TIAM1: variants seen among roughly 807,000 people sequenced by gnomAD.
TIAM1 encodes the protein TIAM Rac1 associated GEF 1, also known as rho guanine nucleotide exchange factor TIAM1.
Under a neutral mutation model 163.5 loss-of-function variants are expected in TIAM1, and 65 were observed. The observed-to-expected ratio is 0.40, with a 90% CI of 0.33 to 0.49. The LOEUF (loss-of-function observed/expected upper bound fraction) is 0.49. TIAM1 is among the 20% of genes least tolerant of loss of function. TIAM1 has a pLI of 0.77. For missense variants in TIAM1, 1,789 were observed against 2,044.7 expected, an observed-to-expected ratio of 0.87 and a Z score of 2.41; for synonymous variants, 833 against 810.1, an observed-to-expected ratio of 1.03 and a Z score of -0.48.
intron 9 of TIAM1, among the ~76,000 whole-genome samples, chr21:31,215,330 C>A (rs902134875): frequency 6.6e-6 from 1 of 152,008 alleles, no homozygotes; most frequent in African/African-American, 2.4e-5. Flanking sequence ...GTGGCTCATG[C>A]CTATAATCCC....
At chr21:31,382,668 A>G (rs2076797885) in intron 2 of TIAM1, among the ~76,000 whole-genome samples, 1 of 152,210 alleles carries the variant, frequency 6.6e-6, no homozygotes, top group African/African-American at 2.4e-5. Flanking sequence ...TTGACAGTTT[A>G]TAAAACAGAT....
At position 31,459,214 on chromosome 21, in the gene TIAM1, C is replaced by T. The variant is rs548989272; in HGVS notation, c.-369+4769G>A. Among the ~76,000 whole-genome samples the T allele has an allele frequency of 1.2e-3, 181 of 152,288 alleles. 2 individuals are homozygous for T. Among genetic ancestry groups the T allele is most frequent in the Admixed American group, 1.6e-3 (25 of 15,280 alleles). ...GTGGCCTCAACCTCCCAGGCTCACA[C>T]GATCCTCCCACCTCAGCCTCCTGAG... On this transcript the variant is annotated intron_variant, in intron 2 of 28. Coordinates refer to the TIAM1 transcript ENST00000286827.
Position 31,251,998 on chromosome 21 carries a change from C to G in TIAM1, c.1155G>C (p.Glu385Asp), listed in dbSNP as rs561107271. ...TGDAARQGVY[E>D]NFRRELEMST... is the part of the protein sequence containing the mutation. ...TCATCTCCAGCTCCCGCCGGAAGTT[C>G]TCGTACACCCCCTGACGAGCCGCAT... is the stretch of plus-strand genomic sequence containing the variant. Residue 385 changes from glutamate (E) to aspartate (D), a missense_variant, in exon 5 of 28, where the codon GAG becomes GAC. Coordinates refer to ENST00000541036, the MANE Select transcript of TIAM1 (RefSeq NM_001353694.2). 1.3e-5 allele frequency: 21 copies of G among 1,613,882 alleles called. No individual in the cohort carries two copies. The highest frequency in any genetic ancestry group is 1.7e-5 in the Non-Finnish European group (20 of 1,179,938).
At chr21:31,473,240 T>C (rs911891759) in intron 1 of TIAM1, among the ~76,000 whole-genome samples, 24 of 152,062 alleles carry the variant, frequency 1.6e-4, no homozygotes, top group African/African-American at 5.8e-4. Context: ...CCATCCTGGC[T>C]AACACGGTGA....
At chr21:31,130,784 G>T in intron 24 of TIAM1, 106 bp downstream of exon 24, 1 of 1,055,154 alleles carries the variant, frequency 9.5e-7, no homozygotes, top group Admixed American at 2.1e-5. Flanking sequence ...AAAGAAAAAA[G>T]ATCATAAAAA....
At chr21:31,172,889 A>C (rs1380014174) in intron 15 of TIAM1, among the ~76,000 whole-genome samples, 1 of 152,048 alleles carries the variant, frequency 6.6e-6, no homozygotes, top group Admixed American at 6.6e-5. Context: ...AGAAAAAAAA[A>C]AACTGCGGTA....
At chr21:31,479,619 G>A (rs2046047301) in intron 1 of TIAM1, among the ~76,000 whole-genome samples, 1 of 152,132 alleles carries the variant, frequency 6.6e-6, no homozygotes, top group Non-Finnish European at 1.5e-5. Context: ...TTATACCATA[G>A]AAATCGACAA....
intron 1 of TIAM1, among the ~76,000 whole-genome samples, chr21:31,535,380 C>CAAA (rs59742048): frequency 0.015 from 822 of 54,278 alleles, 75 homozygotes; most frequent in Non-Finnish European, 0.016. Flanking sequence ...GGCTCCATCT[C>CAAA]AAAAAAAAAA....
intron 2 of TIAM1, among the ~76,000 whole-genome samples, chr21:31,370,074 A>T (rs1044887471): frequency 1.3e-5 from 2 of 152,212 alleles, no homozygotes; most frequent in African/African-American, 4.8e-5. Context: ...TGAACCAGGA[A>T]GCAGGCCCTC....
chr21:31,165,009 C>A lies in TIAM1; in HGVS notation c.2944G>T (p.Glu982Ter). The A allele has an allele frequency of 6.2e-7, 1 of 1,614,166 alleles. No homozygotes were observed. Among genetic ancestry groups the A allele is most frequent in the Non-Finnish European group, 8.5e-7 (1 of 1,180,044 alleles). Residue 982 changes from glutamate (E) to a stop codon, truncating the protein, a stop_gained, in exon 16 of 28, where the codon GAG becomes TAG. Coordinates refer to ENST00000541036, the MANE Select transcript of TIAM1 (RefSeq NM_001353694.2). LOFTEE classifies it high-confidence loss of function. Reference sequence around the variant, plus strand: ...TCTGAGGATTCCAAGTCTGGCCCCTCGGTCTCCTCTGGAGCGGTCTCAGCA... The same window carrying A: ...TCTGAGGATTCCAAGTCTGGCCCCTAGGTCTCCTCTGGAGCGGTCTCAGCA... Reference protein sequence around the residue: ...SSAETAPEETEGPDLESSDET... With the variant: ...SSAETAPEET
chr21:31,506,769 T>C (rs2147461227), intron 1 of TIAM1, among the ~76,000 whole-genome samples: 1 of 152,238 alleles, frequency 6.6e-6, no homozygotes, highest in African/African-American at 2.4e-5. Flanking sequence ...AATACAGAAC[T>C]TAGCCAGGCA....
chr21:31,469,812 A>G (rs1410179744), intron 1 of TIAM1, among the ~76,000 whole-genome samples: 1 of 148,910 alleles, frequency 6.7e-6, no homozygotes, highest in Non-Finnish European at 1.5e-5. Flanking sequence ...AGCCTGGGTG[A>G]CAGAGCGAGA....
At chr21:31,136,246 T>C (rs573873741) in intron 22 of TIAM1, among the ~76,000 whole-genome samples, 2 of 152,366 alleles carry the variant, frequency 1.3e-5, no homozygotes, top group South Asian at 4.1e-4. Flanking sequence ...AAACATCATG[T>C]TGTACACCAT....
In TIAM1 at chr21:31,120,935, A is replaced by G; in HGVS notation, c.4307-98T>C. The G allele has an allele frequency of 8.6e-7, 1 of 1,164,050 alleles. No individual in the cohort carries two copies. Among genetic ancestry groups the G allele is most frequent in the Non-Finnish European group, 1.2e-6 (1 of 846,062 alleles). 72.1% of individuals were successfully genotyped at this position (1,164,050 alleles called of 1,614,324 possible). A position where few individuals can be genotyped will look rare whatever the true frequency, so the allele number is the denominator to read the frequency against. On this transcript the variant is annotated intron_variant, in intron 27 of 27. Coordinates refer to ENST00000541036, the MANE Select transcript of TIAM1 (RefSeq NM_001353694.2). The surrounding 1 kb of genome is among the most constrained non-coding windows in gnomAD (Gnocchi z 4.2). ...AGGACAGGAGAAAATAAAAACCAAA[A>G]CGGTATGCATTGAATGCCTTGATGT...
intron 15 of TIAM1, among the ~76,000 whole-genome samples, chr21:31,175,903 A>C (rs1449677593): frequency 6.6e-6 from 1 of 152,160 alleles, no homozygotes; most frequent in Non-Finnish European, 1.5e-5. Flanking sequence ...CCGGCCTATA[A>C]AACTTTTTTT....
intron 6 of TIAM1, among the ~76,000 whole-genome samples, chr21:31,241,325 G>A (rs140388203): frequency 0.011 from 1,660 of 152,232 alleles, 28 homozygotes; most frequent in African/African-American, 0.038. Context: ...CCTACAGCTC[G>A]GTGAAAGCAG....
chr21:31,228,576 G>C (rs1250553887), intron 6 of TIAM1, among the ~76,000 whole-genome samples: 1 of 151,996 alleles, frequency 6.6e-6, no homozygotes, highest in Non-Finnish European at 1.5e-5. Flanking sequence ...TGAATATGTG[G>C]GATAATCACA....
At chr21:31,454,972 G>A (rs2045033084) in intron 2 of TIAM1, among the ~76,000 whole-genome samples, 2 of 152,056 alleles carry the variant, frequency 1.3e-5, no homozygotes, top group South Asian at 4.1e-4. Context: ...CCCTGCTGGG[G>A]CAAGCAAAGA....
chr21:31,434,643 A>G (rs1008027123), intron 2 of TIAM1, among the ~76,000 whole-genome samples: 2 of 152,260 alleles, frequency 1.3e-5, no homozygotes, highest in Non-Finnish European at 2.9e-5. Context: ...CTAACAGGCC[A>G]TCACTGCAAC....
Sources: gnomAD v4.1 joint callset for allele counts (sites outside exome capture counted in the v4.1 genomes callset) on GRCh38, gnomAD v4.1.1 for gene constraint, Gnocchi (gnomAD v3.1) non-coding constraint, MANE v1.5 for transcripts, NCBI Gene and HGNC (gene_info 2026-07-23, HGNC 2026-07-21) for gene names.